Variants in NRXN3 observed in about 807,000 individuals in gnomAD.
NRXN3 encodes the protein neurexin 3.
Under a neutral mutation model 137.6 loss-of-function variants are expected in NRXN3, and 32 were observed. The observed-to-expected ratio is 0.23, with a 90% CI of 0.18 to 0.31. The LOEUF (loss-of-function observed/expected upper bound fraction) is 0.31, where lower values mean the gene tolerates loss of function less well. Ranked by LOEUF, NRXN3 falls within the 10% of genes least tolerant of loss-of-function variation. The pLI is 1.00. For synonymous variants in NRXN3, 798 were observed against 784.5 expected (o/e 1.02, Z -0.29); for missense variants, 1,574 against 2,062.5 (o/e 0.76, Z 4.59).
chr14:79,048,949 G>A (rs550352291), intron 15 of NRXN3, among the ~76,000 whole-genome samples: 1 of 141,158 alleles, frequency 7.1e-6, no homozygotes, highest in South Asian at 2.4e-4. Context: ...CGTGAACCCG[G>A]GAGGCGGAGC....
At chr14:79,411,398 T>C (rs1299107255) in intron 15 of NRXN3, among the ~76,000 whole-genome samples, 1 of 152,166 alleles carries the variant, frequency 6.6e-6, no homozygotes, top group East Asian at 1.9e-4. Flanking sequence ...TCATCCTACA[T>C]GTAGTGTTTC....
intron 16 of NRXN3, among the ~76,000 whole-genome samples, chr14:79,494,298 T>C (rs1189172865): frequency 6.6e-6 from 1 of 152,210 alleles, no homozygotes; most frequent in African/African-American, 2.4e-5. Context: ...TAGCCTCCTG[T>C]TTCTTCTGAG....
chr14:78,245,915 G>C (rs1014146538), intron 2 of NRXN3, among the ~76,000 whole-genome samples: 1 of 152,152 alleles, frequency 6.6e-6, no homozygotes, highest in African/African-American at 2.4e-5. Context: ...AACCATTTTG[G>C]GAATGTGGTT....
intron 17 of NRXN3, among the ~76,000 whole-genome samples, chr14:79,685,962 G>A (rs769802178): frequency 2.0e-5 from 3 of 152,108 alleles, no homozygotes; most frequent in South Asian, 2.1e-4. Context: ...TTACATCTCC[G>A]GCATGGTTCC....
chr14:78,766,177 CATCT>C (rs2098708459), intron 8 of NRXN3, among the ~76,000 whole-genome samples: 1 of 152,192 alleles, frequency 6.6e-6, no homozygotes, highest in Non-Finnish European at 1.5e-5. Flanking sequence ...CCTTTGTAGA[CATCT>C]ATTGCTGTGG....
At chr14:78,331,424 G>A (rs1343246910) in intron 4 of NRXN3, among the ~76,000 whole-genome samples, 2 of 152,106 alleles carry the variant, frequency 1.3e-5, no homozygotes, top group East Asian at 3.8e-4. Flanking sequence ...AAAGACATGA[G>A]ATGAAAAGAC....
Position 79,252,994 on chromosome 14 carries a change from G to T in NRXN3, c.3263-214227G>T, listed in dbSNP as rs896006697. Reference sequence around the variant, plus strand: ...TCCCAAGGAACTTACATCAGAAGGAGAGAAAATGGGGTTCTTCATGGAAAC... The same window carrying T: ...TCCCAAGGAACTTACATCAGAAGGATAGAAAATGGGGTTCTTCATGGAAAC... On this transcript the variant is annotated intron_variant, in intron 15 of 20. Transcript: ENST00000335750. 7.2e-5 allele frequency among the ~76,000 whole-genome samples: 11 copies of T among 152,188 alleles called. No homozygotes were observed. The East Asian group carries it at 1.9e-3, about 27-fold the overall frequency.
intron 15 of NRXN3, among the ~76,000 whole-genome samples, chr14:79,424,306 A>G (rs1353860225): frequency 6.6e-6 from 1 of 152,206 alleles, no homozygotes; most frequent in East Asian, 1.9e-4. Context: ...TTCTACAAAG[A>G]GCTAAAAGGC....
chr14:79,221,627 T>C (rs2069701536), intron 15 of NRXN3, among the ~76,000 whole-genome samples: 1 of 152,012 alleles, frequency 6.6e-6, no homozygotes, highest in Admixed American at 6.6e-5. Context: ...AAATTTTTAA[T>C]GTTCTTTGTA....
intron 15 of NRXN3, among the ~76,000 whole-genome samples, chr14:79,379,575 A>G (rs1378078468): frequency 1.3e-5 from 2 of 152,134 alleles, no homozygotes; most frequent in Non-Finnish European, 2.9e-5. Context: ...AATGCCTCTG[A>G]CAGCATTTTC....
intron 17 of NRXN3, among the ~76,000 whole-genome samples, chr14:79,666,094 A>G (rs575937282): frequency 6.6e-6 from 1 of 152,264 alleles, no homozygotes; most frequent in South Asian, 2.1e-4. Context: ...AATTCAAAAT[A>G]CAGTAACACT....
intron 4 of NRXN3, among the ~76,000 whole-genome samples, chr14:78,416,595 A>G (rs538574492): frequency 6.6e-6 from 1 of 152,328 alleles, no homozygotes; most frequent in South Asian, 2.1e-4. Flanking sequence ...CTGGTAAATC[A>G]CTTTTAGTAC....
chr14:79,298,162 T>G (rs1459772233), intron 15 of NRXN3, among the ~76,000 whole-genome samples: 1 of 151,982 alleles, frequency 6.6e-6, no homozygotes, highest in Non-Finnish European at 1.5e-5. Context: ...AATCTGAAAT[T>G]TATTTGTATG....
chr14:78,361,476 G>A (rs6574436), intron 4 of NRXN3, among the ~76,000 whole-genome samples: 149,308 of 152,304 alleles, frequency 0.98, 73,230 homozygotes, highest in Non-Finnish European at 1. Flanking sequence ...AGGGAGATGC[G>A]GATGAAATGG....
intron 15 of NRXN3, among the ~76,000 whole-genome samples, chr14:79,403,256 T>C (rs188198416): frequency 6.6e-6 from 1 of 152,298 alleles, no homozygotes; most frequent in South Asian, 2.1e-4. Context: ...AACGGACATA[T>C]GCATGGGCCT....
chr14:78,432,437 G>A (rs1020272612), intron 4 of NRXN3, among the ~76,000 whole-genome samples: 1 of 152,088 alleles, frequency 6.6e-6, no homozygotes, highest in Non-Finnish European at 1.5e-5. Flanking sequence ...GTATCAAGCT[G>A]TTCAGCATTG....
chr14:78,568,659 C>T (rs1425096754), intron 4 of NRXN3, among the ~76,000 whole-genome samples: 1 of 152,184 alleles, frequency 6.6e-6, no homozygotes, highest in African/African-American at 2.4e-5. Flanking sequence ...ATCTTACAAG[C>T]AATATGTCTT....
intron 19 of NRXN3, among the ~76,000 whole-genome samples, chr14:79,790,745 C>G (rs111871152): frequency 1.3e-5 from 2 of 151,642 alleles, no homozygotes; most frequent in African/African-American, 4.9e-5. Context: ...CTCAGCCACC[C>G]GAGTATCTGG....
intron 16 of NRXN3, among the ~76,000 whole-genome samples, chr14:79,619,088 G>A (rs746653255): frequency 7.3e-5 from 11 of 151,670 alleles, no homozygotes; most frequent in Non-Finnish European, 1.2e-4. Context: ...AGTTTCTTAC[G>A]GATTCTAGAT....
Sources: gnomAD v4.1 joint callset for allele counts (sites outside exome capture counted in the v4.1 genomes callset) on GRCh38, gnomAD v4.1.1 for gene constraint, MANE v1.5 for transcripts, NCBI Gene and HGNC (gene_info 2026-07-23, HGNC 2026-07-21) for gene names.